The following TTLL7 variants were observed in gnomAD, a reference collection of about 807,000 sequenced individuals.
TTLL7 encodes the protein tubulin tyrosine ligase like 7.
In TTLL7, 53 loss-of-function variants were observed where a neutral mutation model predicts 120.2. The ratio of observed to expected loss-of-function variants is 0.44; its 90% confidence interval spans 0.35 to 0.55. The LOEUF is 0.55. TTLL7 is among the 20% of genes least tolerant of loss of function. The pLI is 0.00. For missense variants in TTLL7, 803 were observed against 1,054.7 expected (o/e 0.76, Z 3.31); for synonymous variants, 353 against 351.7 (o/e 1.00, Z -0.04).
At chr1:83,907,338 G>C in intron 16 of TTLL7, 118 bp downstream of exon 16, 1 of 852,780 alleles carries the variant, frequency 1.2e-6, no homozygotes, top group East Asian at 2.6e-5. Flanking sequence ...AATTTCAAGA[G>C]GTCATGAGTT....
At chr1:83,886,026 GA>G (rs1377165752) in intron 19 of TTLL7, among the ~76,000 whole-genome samples, 1 of 151,886 alleles carries the variant, frequency 6.6e-6, no homozygotes. Flanking sequence ...AATATAAAAG[GA>G]AAACACTTTA....
At chr1:83,903,774 A>G (rs1571130232) in intron 18 of TTLL7, among the ~76,000 whole-genome samples, 1 of 151,980 alleles carries the variant, frequency 6.6e-6, no homozygotes, top group Admixed American at 6.6e-5. Context: ...GGTTGCATCC[A>G]TGGATGCGAA....
chr1:83,881,020 G>C (rs943660870), intron 20 of TTLL7, among the ~76,000 whole-genome samples: 1 of 151,890 alleles, frequency 6.6e-6, no homozygotes, highest in African/African-American at 2.4e-5. Flanking sequence ...AATGGTGCTG[G>C]GAAAACTGGC....
rs761462468 is a variant in TTLL7 at position 83,911,415 on chromosome 1, T to A, written c.1588-52A>T. 6.4e-6 allele frequency: 9 copies of A among 1,408,468 alleles called. No individual in the cohort carries two copies. In the East Asian group the frequency reaches 2.1e-4, roughly 33 times the overall value. 87.2% of individuals were successfully genotyped at this position (1,408,468 alleles called of 1,614,324 possible). A position where few individuals can be genotyped will look rare whatever the true frequency, so the allele number is the denominator to read the frequency against. ...TGTTAGAATTCTTAAAAAAGGTTTA[T>A]TGATATGATTAGTTACTATTTTTAA... On this transcript the variant is annotated intron_variant, in intron 14 of 20. Coordinates refer to ENST00000260505, the MANE Select transcript of TTLL7 (RefSeq NM_024686.6).
At chr1:83,973,146 T>C (rs1651147399) in intron 1 of TTLL7, among the ~76,000 whole-genome samples, 1 of 152,082 alleles carries the variant, frequency 6.6e-6, no homozygotes, top group African/African-American at 2.4e-5. Context: ...GTCATTGCCA[T>C]ACCCAAGATC....
At chr1:83,881,814 A>G (rs1260660850) in intron 20 of TTLL7, among the ~76,000 whole-genome samples, 2 of 150,044 alleles carry the variant, frequency 1.3e-5, no homozygotes, top group African/African-American at 2.5e-5. Flanking sequence ...CACTATTCAC[A>G]ATAGCAAAGA....
intron 18 of TTLL7, among the ~76,000 whole-genome samples, chr1:83,892,268 GAA>G (rs1655571595): frequency 1.0e-5 from 1 of 96,828 alleles, no homozygotes; most frequent in African/African-American, 3.2e-5. Flanking sequence ...ATATATATAC[GAA>G]TATATATGAA....
intron 10 of TTLL7, among the ~76,000 whole-genome samples, chr1:83,928,900 G>C (rs1659359280): frequency 6.6e-6 from 1 of 151,358 alleles, no homozygotes; most frequent in African/African-American, 2.4e-5. Context: ...AGGAGTAGGG[G>C]GGACAGATTT....
At chr1:83,903,397 C>T (rs1364475451) in intron 18 of TTLL7, among the ~76,000 whole-genome samples, 1 of 151,994 alleles carries the variant, frequency 6.6e-6, no homozygotes, top group Non-Finnish European at 1.5e-5. Flanking sequence ...TGCTCAAATA[C>T]TACCTTCCCT....
chr1:83,940,745 T>C (rs568062338), intron 7 of TTLL7, among the ~76,000 whole-genome samples: 4 of 152,290 alleles, frequency 2.6e-5, no homozygotes, highest in African/African-American at 9.6e-5. Flanking sequence ...ATGGTCAGAC[T>C]AGAATACAAC....
chr1:83,885,198 GT>G (rs2100715063), intron 19 of TTLL7: 1 of 165,136 alleles, frequency 6.1e-6, no homozygotes, highest in South Asian at 2.0e-4. Flanking sequence ...AAAATCCTGT[GT>G]TTTGACTGTC....
At chr1:83,899,631 G>T (rs1053806481) in intron 18 of TTLL7, among the ~76,000 whole-genome samples, 1 of 151,932 alleles carries the variant, frequency 6.6e-6, no homozygotes, top group Non-Finnish European at 1.5e-5. Flanking sequence ...CAAACTGTGG[G>T]ACTTTAACAA....
Position 83,919,747 on chromosome 1 carries a change from T to C in TTLL7, c.1452A>G (p.Arg484=). 1 of 1,613,052 alleles carries C rather than the reference T, an allele frequency of 6.2e-7. No homozygotes were observed. The highest frequency in any genetic ancestry group is 2.2e-5 in the East Asian group (1 of 44,804). Reference sequence around the variant, plus strand: ...TCAACTCTCGCTGGAATGAAGCTGCTCTTCCTGAAAGGAAGGTCTGAAAGG... The same window carrying C: ...TCAACTCTCGCTGGAATGAAGCTGCCCTTCCTGAAAGGAAGGTCTGAAAGG... ...AVAFQTFLSG[R]AASFQRELNN... Residue 484 remains arginine, a synonymous_variant, in exon 13 of 21, where the codon AGA becomes AGG. Transcript: ENST00000260505.
chr1:83,892,248 G>GAA (rs1385057820), intron 18 of TTLL7, among the ~76,000 whole-genome samples: 8 of 131,576 alleles, frequency 6.1e-5, no homozygotes, highest in African/African-American at 2.4e-4. Context: ...GAATATATAT[G>GAA]TATATATGAA....
chr1:83,883,207 C>G, intron 19 of TTLL7, 71 bp from the exon 20 acceptor site: 2 of 1,287,460 alleles, frequency 1.6e-6, no homozygotes, highest in Non-Finnish European at 1.1e-6. Flanking sequence ...TATCACTTCC[C>G]TAGCAACAAA....
chr1:83,942,510 C>G lies in TTLL7; in HGVS notation c.676G>C (p.Val226Leu). 6.2e-7 allele frequency: 1 copy of G among 1,614,024 alleles called. No homozygotes were observed. The highest frequency in any genetic ancestry group is 8.5e-7 in the Non-Finnish European group (1 of 1,179,942). ...LKIFLYHDGL[V>L]RMGTEKYIPP... Reference sequence around the variant, plus strand: ...ATGTACTTCTCTGTACCCATTCGCACAAGCCCATCATGGTAGAGAAATATT... The same window carrying G: ...ATGTACTTCTCTGTACCCATTCGCAGAAGCCCATCATGGTAGAGAAATATT... The change falls in exon 7 of 21, where the codon GTG becomes CTG. Residue 226 changes from valine (V) to leucine (L), a missense_variant. Physicochemically the swap from Val to Leu is conservative, Grantham distance 32. Around this residue, in one of 3 missense-constraint regions of TTLL7, gnomAD observed 324 missense variants for 507.7 expected, o/e 0.64. Coordinates refer to ENST00000260505, the MANE Select transcript of TTLL7 (RefSeq NM_024686.6).
intron 1 of TTLL7, among the ~76,000 whole-genome samples, chr1:83,957,957 C>T (rs1649672868): frequency 6.6e-6 from 1 of 152,164 alleles, no homozygotes; most frequent in Admixed American, 6.5e-5. Context: ...ATTATAGCAG[C>T]CTGAGCAGAC....
At chr1:83,927,049 T>TAA (rs575537033) in intron 10 of TTLL7, among the ~76,000 whole-genome samples, 1 of 151,052 alleles carries the variant, frequency 6.6e-6, no homozygotes, top group East Asian at 1.9e-4. Flanking sequence ...GTCATCCAAG[T>TAA]AAAAAAAAAG....
chr1:83,972,185 G>C (rs1427153528), intron 1 of TTLL7, among the ~76,000 whole-genome samples: 5 of 151,924 alleles, frequency 3.3e-5, no homozygotes, highest in Non-Finnish European at 7.4e-5. Context: ...TATGGGTTTG[G>C]ACCAATGTAT....
Sources: allele counts gnomAD v4.1 joint callset (sites outside exome capture counted in the v4.1 genomes callset), GRCh38; gene constraint gnomAD v4.1.1; regional missense constraint gnomAD v4.1.1; transcripts MANE v1.5; gene names NCBI Gene and HGNC (gene_info 2026-07-23, HGNC 2026-07-21).